TEP1: variants seen among roughly 807,000 people sequenced by gnomAD.
TEP1 encodes telomerase protein component 1.
Under a neutral mutation model 306.3 loss-of-function variants are expected in TEP1, and 241 were observed. The observed-to-expected ratio is 0.79, with a 90% confidence interval of 0.71 to 0.88. TEP1 has a LOEUF of 0.88. Ranked by LOEUF, TEP1 falls within the 40% of genes least tolerant of loss-of-function variation. The pLI is 0.00. For synonymous variants in TEP1, 1,289 were observed against 1,305.5 expected (o/e 0.99, Z 0.27); for missense variants, 3,051 against 3,276.1 (o/e 0.93, Z 1.68).
Position 20,401,013 on chromosome 14 carries a change from T to G in TEP1, c.1520A>C (p.Asn507Thr), listed in dbSNP as rs755877374. 3.5e-5 allele frequency: 57 copies of G among 1,614,108 alleles called. No individual in the cohort carries two copies. In the Middle Eastern group the frequency reaches 2.0e-3, roughly 56 times the overall value. The change falls in exon 9 of 55, where the codon AAC (asparagine) becomes ACC (threonine). Residue 507 changes from asparagine to threonine, a missense_variant. Physicochemically the swap from Asn to Thr is moderately conservative, Grantham distance 65. Transcript: ENST00000262715. ...TWERELSLRG[N>T]KASVWEELIE... ...GAGTTCCTCCCAGACCGACGCTTTG[T>G]TCCCCCGTAGGCTCAGCTCCCGCTC...
intron 51 of TEP1, 140 bp from the exon 52 acceptor site, chr14:20,369,919 T>G: frequency 3.2e-6 from 1 of 316,776 alleles, no homozygotes; most frequent in Non-Finnish European, 5.5e-6. Flanking sequence ...AGTGCGCAAA[T>G]TTTTTTTTTT....
chr14:20,407,886 T>A lies in TEP1; in HGVS notation c.554A>T (p.Gln185Leu). 1.3e-6 allele frequency: 2 copies of A among 1,595,622 alleles called. No homozygotes were observed. The highest frequency in any genetic ancestry group is 1.7e-6 in the Non-Finnish European group (2 of 1,169,652). The change falls in exon 2 of 55, where the codon CAG becomes CTG. Residue 185 changes from glutamine to leucine, a missense_variant. Gln to Leu is a moderately radical substitution (Grantham distance 113). Coordinates refer to ENST00000262715, the MANE Select transcript of TEP1 (RefSeq NM_007110.5). ...LKSISATETAQEATLGRWFDS... is the reference protein window; with the variant it reads ...LKSISATETALEATLGRWFDS... ...TGGAGCTATTACCAAAGTTGCTTCCTGAGCTGTCTCTGTGGCAGAGATGGA... is the reference window on the plus strand; with the variant it reads ...TGGAGCTATTACCAAAGTTGCTTCCAGAGCTGTCTCTGTGGCAGAGATGGA...
chr14:20,406,208 C>G, intron 3 of TEP1, 25 bp downstream of exon 3: 1 of 1,612,880 alleles, frequency 6.2e-7, no homozygotes, highest in African/African-American at 1.3e-5. Flanking sequence ...CATTATTAAC[C>G]TTCCCCTAAC....
In TEP1 at chr14:20,391,225, G is replaced by A. The variant is rs542463402; in HGVS notation, c.2098-129C>T. ...AGAAAAAGTGTAAAATCCCAAGTTAGGAGGGGTCAGCTTCAGCAGCCCTCA... is the reference window on the plus strand; with the variant it reads ...AGAAAAAGTGTAAAATCCCAAGTTAAGAGGGGTCAGCTTCAGCAGCCCTCA... On this transcript the variant is annotated intron_variant, in intron 13 of 54. Transcript: ENST00000262715. The A allele has an allele frequency of 1.4e-5, 14 of 983,660 alleles. No individual in the cohort carries two copies. In the East Asian group the frequency reaches 3.4e-4, roughly 24 times the overall value. 60.9% of individuals were successfully genotyped at this position (983,660 alleles called of 1,614,324 possible). A position where few individuals can be genotyped will look rare whatever the true frequency, so the allele number is the denominator to read the frequency against.
intron 7 of TEP1, among the ~76,000 whole-genome samples, chr14:20,403,159 CAAAAAAAAAA>C (rs61465318): frequency 1.2e-5 from 1 of 83,222 alleles, no homozygotes; most frequent in African/African-American, 4.7e-5. Context: ...AACTTCATCT[CAAAAAAAAAA>C]AAAAAAAAAA....
In TEP1 at chr14:20,383,481, C is replaced by A; in HGVS notation, c.3867+7G>T. 1.9e-6 allele frequency: 3 copies of A among 1,614,162 alleles called. No homozygotes were observed. The highest frequency in any genetic ancestry group is 2.2e-5 in the East Asian group (1 of 44,890). On this transcript the variant is annotated splice_region_variant and intron_variant, in intron 26 of 54. Transcript: ENST00000262715. Reference sequence around the variant, plus strand: ...CCTCCCGACACCCACCTCCTTCTCACACTCACCCGGGGAAGCTTCTTTGGG... The same window carrying A: ...CCTCCCGACACCCACCTCCTTCTCAAACTCACCCGGGGAAGCTTCTTTGGG...
At position 20,380,275 on chromosome 14, in the gene TEP1, G is replaced by A. The variant is rs762708627; in HGVS notation, c.4963C>T (p.Arg1655Ter). The stretch of plus-strand genomic sequence containing the variant: ...ATGGTCCGGGGTTTATTAAGCCATC[G>A]TAGTGTGTGTTGGAGGTGCCATCTC... ...SRRWHLQHTL[R>*]WLNKPRTMKN... Residue 1655 changes from arginine (R) to a stop codon, truncating the protein, a stop_gained, in exon 34 of 55, where the codon CGA becomes TGA. Transcript: ENST00000262715. LOFTEE classifies it high-confidence loss of function. 5.3e-5 allele frequency: 86 copies of A among 1,614,162 alleles called. 1 individual carries two copies. The Middle Eastern group carries it at 9.9e-4, about 19-fold the overall frequency.
intron 52 of TEP1, 35 bp downstream of exon 52, chr14:20,369,639 C>A: frequency 6.2e-7 from 1 of 1,612,800 alleles, no homozygotes; most frequent in Non-Finnish European, 8.5e-7. Flanking sequence ...CCTGGGCCAT[C>A]TCCCGGCTCC....
intron 17 of TEP1, among the ~76,000 whole-genome samples, chr14:20,388,297 A>G (rs543052661): frequency 1.3e-5 from 2 of 152,328 alleles, no homozygotes; most frequent in Admixed American, 6.5e-5. Context: ...TGTGCGTGGT[A>G]ATCACAAACT....
Position 20,395,595 on chromosome 14 carries a change from T to C in TEP1, c.1783A>G (p.Arg595Gly). The change falls in exon 12 of 55, where the codon AGG (arginine) becomes GGG (glycine). Residue 595 changes from arginine to glycine, a missense_variant. Arg to Gly is a moderately radical substitution (Grantham distance 125). Transcript: ENST00000262715. The stretch of plus-strand genomic sequence containing the variant: ...TTTTCATTTCTAGTTAGTATCCGCC[T>C]CATCAGTGTTATATTCGAAGGAAAG... ...LPFPSNITLM[R>G]RILTRNEKNR... 1 of 1,608,590 alleles carries C rather than the reference T, an allele frequency of 6.2e-7. No individual in the cohort carries two copies. Among genetic ancestry groups the C allele is most frequent in the Non-Finnish European group, 8.5e-7 (1 of 1,175,360 alleles).
chr14:20,385,436 A>C (rs994500984), intron 20 of TEP1, among the ~76,000 whole-genome samples: 10 of 151,594 alleles, frequency 6.6e-5, no homozygotes, highest in African/African-American at 2.4e-4. Flanking sequence ...GCAATGGCGC[A>C]ATCTTGGCTC....
chr14:20,373,521 A>G lies in TEP1; in HGVS notation c.6667T>C (p.Trp2223Arg). 6.2e-7 allele frequency: 1 copy of G among 1,614,218 alleles called. No homozygotes were observed. Among genetic ancestry groups the G allele is most frequent in the Non-Finnish European group, 8.5e-7 (1 of 1,180,028 alleles). Residue 2223 changes from tryptophan to arginine, a missense_variant, in exon 46 of 55, where the codon TGG becomes CGG. By Grantham distance (101) the Trp-to-Arg change is moderately radical. This residue lies in a region of TEP1 where 1,540 missense variants were observed against 1,705.9 expected (regional missense o/e 0.90). Coordinates refer to ENST00000262715, the MANE Select transcript of TEP1 (RefSeq NM_007110.5). ...CAGGAACTCACCAAGAGTGGATGCC[A>G]TAACCGTGTGGCCCCATCTAGCCCG... ...TVGLDGATRL[W>R]HPLLVCQTHT...
In TEP1 at chr14:20,380,484, G is replaced by C. The variant is rs1566451020; in HGVS notation, c.4763-9C>G. The C allele has an allele frequency of 6.2e-7, 1 of 1,606,628 alleles. No homozygotes were observed. The highest frequency in any genetic ancestry group is 1.7e-5 in the Admixed American group (1 of 59,728). On this transcript the variant is annotated splice_polypyrimidine_tract_variant and intron_variant, in intron 33 of 54. Transcript: ENST00000262715. ...TTTGGGGACTGAAGAAGCTATAAAA[G>C]GGTGGCAGAATGTCACTGGGGAGCC...
rs1197212368 is a variant in TEP1, at chr14:20,405,679, G to C, written c.736-94C>G. ...ACTAACTTACAAAGTCAAGGACAGAGAGAATGGACCCGAGATGTGGAGTCC... is the reference window on the plus strand; with the variant it reads ...ACTAACTTACAAAGTCAAGGACAGACAGAATGGACCCGAGATGTGGAGTCC... On this transcript the variant is annotated intron_variant, in intron 3 of 54. Coordinates refer to ENST00000262715, the MANE Select transcript of TEP1 (RefSeq NM_007110.5). 12 of 1,450,022 alleles carry C rather than the reference G, an allele frequency of 8.3e-6. No homozygotes were observed. In the South Asian group the frequency reaches 1.2e-4, roughly 14 times the overall value. 89.8% of individuals were successfully genotyped at this position (1,450,022 alleles called of 1,614,324 possible). A position where few individuals can be genotyped will look rare whatever the true frequency, so the allele number is the denominator to read the frequency against.
rs182405039 is a variant in TEP1, at chr14:20,371,150, G to T, written c.7317+68C>A. 9.5e-6 allele frequency: 13 copies of T among 1,370,644 alleles called. No homozygotes were observed. The Admixed American group carries it at 1.5e-4, about 16-fold the overall frequency. The allele number at this position is 1,370,644 out of a possible 1,614,324, so 84.9% of individuals were successfully genotyped here. Reference sequence around the variant, plus strand: ...TTCCCTTCCCTATCCTCCATGACGGGCCCCAAGGTGTAAAAACACTGGTCC... The same window carrying T: ...TTCCCTTCCCTATCCTCCATGACGGTCCCCAAGGTGTAAAAACACTGGTCC... On this transcript the variant is annotated intron_variant, in intron 51 of 54. Transcript: ENST00000262715.
At position 20,376,224 on chromosome 14, in the gene TEP1, C is replaced by A; in HGVS notation, c.6129G>T (p.Thr2043=). Residue 2043 remains threonine (T), a synonymous_variant, in exon 42 of 55, where the codon ACG becomes ACT. Transcript: ENST00000262715. ...TVQLWPRQLL[T]RPHKAEDFPC... ...GAAAGTCTTCTGCCTTGTGTGGCCG[C>A]GTCAGCAGCTGCCTTGGCCACAGCT... 6.2e-7 allele frequency: 1 copy of A among 1,614,134 alleles called. No individual in the cohort carries two copies. The highest frequency in any genetic ancestry group is 1.1e-5 in the South Asian group (1 of 91,078).
chr14:20,380,472 G>A lies in TEP1; in HGVS notation c.4766C>T (p.Ser1589Phe). The change falls in exon 34 of 55, where the codon TCT becomes TTT. Residue 1589 changes from serine to phenylalanine, a missense_variant. Around this residue, in one of 3 missense-constraint regions of TEP1, gnomAD observed 1,540 missense variants for 1,705.9 expected, o/e 0.90. Transcript: ENST00000262715. ...RLLEAHALYASSVPKEEQKLP... is the reference protein window; with the variant it reads ...RLLEAHALYAFSVPKEEQKLP... The stretch of plus-strand genomic sequence containing the variant: ...CTTTTGTTCCTCTTTGGGGACTGAA[G>A]AAGCTATAAAAGGGTGGCAGAATGT... The A allele has an allele frequency of 1.2e-6, 2 of 1,611,570 alleles. No homozygotes were observed. The highest frequency in any genetic ancestry group is 1.7e-6 in the Non-Finnish European group (2 of 1,179,524).
At position 20,382,380 on chromosome 14, in the gene TEP1, T is replaced by C. The variant is rs1221870480; in HGVS notation, c.4141-24A>G. The C allele has an allele frequency of 2.5e-6, 4 of 1,590,894 alleles. No individual in the cohort carries two copies. In the African/African-American group the frequency reaches 5.4e-5, roughly 21 times the overall value. On this transcript the variant is annotated intron_variant, in intron 28 of 54. Coordinates refer to ENST00000262715, the MANE Select transcript of TEP1 (RefSeq NM_007110.5). ...ACCTAGGATGGCGGGAGGACAGCCT[T>C]GTTCAGTGCAGTGGGAGGAGAAGCA...
chr14:20,404,093 G>T (rs992558858), intron 5 of TEP1, among the ~76,000 whole-genome samples: 1 of 152,010 alleles, frequency 6.6e-6, no homozygotes. Context: ...TCACCTTTAC[G>T]CCTGTAATCC....
Sources: allele counts gnomAD v4.1 joint callset (sites outside exome capture counted in the v4.1 genomes callset), GRCh38; gene constraint gnomAD v4.1.1; regional missense constraint gnomAD v4.1.1; transcripts MANE v1.5; gene names NCBI Gene and HGNC (gene_info 2026-07-23, HGNC 2026-07-21).